Variants in NRG3 observed in about 807,000 individuals in gnomAD.
The protein encoded by NRG3 is pro-neuregulin-3, membrane-bound isoform.
Under a neutral mutation model 66.9 loss-of-function variants are expected in NRG3, and 31 were observed. The ratio of observed to expected loss-of-function variants is 0.46; its 90% CI spans 0.35 to 0.63. The LOEUF is 0.63. NRG3 is among the 20% of genes least tolerant of loss of function. The pLI is 0.00. For synonymous variants in NRG3, 393 were observed against 359.4 expected, an observed-to-expected ratio of 1.09 and a Z score of -1.06; for missense variants, 910 against 878.9, an observed-to-expected ratio of 1.04 and a Z score of -0.45.
At chr10:82,499,231 T>C (rs1843917798) in intron 2 of NRG3, among the ~76,000 whole-genome samples, 1 of 152,198 alleles carries the variant, frequency 6.6e-6, no homozygotes, top group Admixed American at 6.5e-5. Context: ...ATCTGAGCTG[T>C]AACTCAGTTT....
In NRG3 at chr10:82,958,976, G is replaced by T. The variant is rs1222077371; in HGVS notation, c.1185G>T (p.Gln395His). The T allele has an allele frequency of 6.2e-7, 1 of 1,602,692 alleles. No individual in the cohort carries two copies. The highest frequency in any genetic ancestry group is 2.2e-5 in the East Asian group (1 of 44,508). Residue 395 changes from glutamine to histidine, a missense_variant, in exon 6 of 9, where the codon CAG (glutamine) becomes CAT (histidine). Gln to His is a conservative substitution (Grantham distance 24). Coordinates refer to ENST00000372141, the MANE Select transcript of NRG3 (RefSeq NM_001010848.4). ...AACAAGCTAAACAAATCCAAGAGCA[G>T]CTGAAAGTGCCACAAAATGGTAAAA... is the stretch of plus-strand genomic sequence containing the variant. ...SKKQAKQIQE[Q>H]LKVPQNGKSY...
chr10:82,422,151 T>C (rs544928781), intron 2 of NRG3, among the ~76,000 whole-genome samples: 205 of 152,230 alleles, frequency 1.3e-3, no homozygotes, highest in Admixed American at 2.8e-3. Flanking sequence ...GATGTGGTTG[T>C]TCATTCAATC....
intron 2 of NRG3, among the ~76,000 whole-genome samples, chr10:82,438,453 C>T (rs1041375167): frequency 6.6e-6 from 1 of 152,216 alleles, no homozygotes; most frequent in Non-Finnish European, 1.5e-5. Context: ...CTGCCCTTCC[C>T]CCACCCAGGG....
At chr10:82,685,523 C>G (rs140501724) in intron 2 of NRG3, among the ~76,000 whole-genome samples, 1 of 152,280 alleles carries the variant, frequency 6.6e-6, no homozygotes, top group Non-Finnish European at 1.5e-5. Flanking sequence ...GGAGGCCTAG[C>G]ACATTACTCT....
intron 1 of NRG3, among the ~76,000 whole-genome samples, chr10:82,073,929 C>A (rs1280860987): frequency 6.6e-6 from 1 of 152,070 alleles, no homozygotes; most frequent in Admixed American, 6.6e-5. Context: ...ACAAATTAAA[C>A]CGAATTCCTG....
At chr10:82,402,502 C>T (rs2087179995) in intron 2 of NRG3, among the ~76,000 whole-genome samples, 1 of 152,152 alleles carries the variant, frequency 6.6e-6, no homozygotes, top group Non-Finnish European at 1.5e-5. Flanking sequence ...TACAGACTGA[C>T]CCACACAGTA....
At chr10:82,863,559 C>T (rs369315608) in intron 3 of NRG3, among the ~76,000 whole-genome samples, 2 of 152,238 alleles carry the variant, frequency 1.3e-5, no homozygotes, top group South Asian at 2.1e-4. Context: ...TCCTAACTGG[C>T]GTGAGATGGT....
intron 1 of NRG3, among the ~76,000 whole-genome samples, chr10:82,036,461 T>G (rs538267124): frequency 1.2e-4 from 19 of 152,224 alleles, no homozygotes; most frequent in African/African-American, 4.6e-4. Flanking sequence ...GGAGATTAAA[T>G]AACTTCCTCG....
intron 1 of NRG3, among the ~76,000 whole-genome samples, chr10:82,026,279 C>T (rs1330678247): frequency 2.6e-5 from 4 of 151,898 alleles, no homozygotes; most frequent in Non-Finnish European, 4.4e-5. Context: ...GCTGTCATTA[C>T]AGAACCATTA....
At chr10:82,505,944 G>A (rs1844624921) in intron 2 of NRG3, among the ~76,000 whole-genome samples, 1 of 152,182 alleles carries the variant, frequency 6.6e-6, no homozygotes, top group African/African-American at 2.4e-5. Context: ...CTTGAGACAA[G>A]TGCCATTAAG....
intron 2 of NRG3, among the ~76,000 whole-genome samples, chr10:82,530,697 A>G (rs1847160748): frequency 6.6e-6 from 1 of 151,982 alleles, no homozygotes; most frequent in Admixed American, 6.6e-5. Context: ...AATAAAGGAA[A>G]GACTGAATGA....
In NRG3 at chr10:81,990,573, TTAAG is replaced by T. The variant is rs1158203958; in HGVS notation, c.823+114415_823+114418del. Among the ~76,000 whole-genome samples the T allele has an allele frequency of 1.1e-4, 17 of 152,168 alleles. 1 individual carries two copies. Among genetic ancestry groups the T allele is most frequent in the Admixed American group, 1.0e-3 (16 of 15,270 alleles). ...TAAGATATTGGTGCAGTAAGGATAA[TTAAG>T]TAAGATAAGTTTATTAACAGCAGCA... On this transcript the variant is annotated intron_variant, in intron 1 of 8. Transcript: ENST00000372141.
At chr10:82,491,707 A>C (rs926385947) in intron 2 of NRG3, among the ~76,000 whole-genome samples, 3 of 152,068 alleles carry the variant, frequency 2.0e-5, no homozygotes, top group African/African-American at 7.2e-5. Flanking sequence ...CAGCTCAATG[A>C]TATTGATCTT....
intron 6 of NRG3, among the ~76,000 whole-genome samples, chr10:82,971,220 A>T (rs1851694794): frequency 6.6e-6 from 1 of 152,188 alleles, no homozygotes; most frequent in South Asian, 2.1e-4. Flanking sequence ...ACCAGGCCTC[A>T]TCTCCAAAAT....
chr10:81,996,698 CAGG>C (rs921761568), intron 1 of NRG3, among the ~76,000 whole-genome samples: 1 of 151,126 alleles, frequency 6.6e-6, no homozygotes, highest in African/African-American at 2.4e-5. Context: ...AAGGAGGAGG[CAGG>C]AGAGAAAAGA....
At chr10:82,280,611 T>C (rs2079073828) in intron 1 of NRG3, among the ~76,000 whole-genome samples, 1 of 152,178 alleles carries the variant, frequency 6.6e-6, no homozygotes, top group South Asian at 2.1e-4. Flanking sequence ...TGATGGTCAT[T>C]GTAGGCATTT....
chr10:82,928,084 C>G (rs773842498), intron 4 of NRG3, among the ~76,000 whole-genome samples: 5 of 152,182 alleles, frequency 3.3e-5, no homozygotes, highest in Non-Finnish European at 7.3e-5. Flanking sequence ...TTGCATTTCT[C>G]TAATGACCAG....
At chr10:82,215,503 T>C (rs1433587996) in intron 1 of NRG3, among the ~76,000 whole-genome samples, 1 of 152,182 alleles carries the variant, frequency 6.6e-6, no homozygotes, top group East Asian at 1.9e-4. Context: ...ATATGAGTGG[T>C]GTGTATATGT....
chr10:82,761,050 T>G (rs1257432243), intron 3 of NRG3, among the ~76,000 whole-genome samples: 1 of 151,848 alleles, frequency 6.6e-6, no homozygotes, highest in Non-Finnish European at 1.5e-5. Flanking sequence ...AATAATTAAA[T>G]GTATTTCATA....
Sources: allele counts gnomAD v4.1 joint callset (sites outside exome capture counted in the v4.1 genomes callset), GRCh38; gene constraint gnomAD v4.1.1; transcripts MANE v1.5; gene names NCBI Gene and HGNC (gene_info 2026-07-23, HGNC 2026-07-21).